The following PEX26 variants were observed in gnomAD, a reference collection of about 807,000 sequenced individuals.
PEX26 encodes the protein peroxisomal biogenesis factor 26, also known as peroxisome assembly protein 26.
PEX26 carries 18 observed loss-of-function variants against 31.4 expected under a neutral mutation model. The ratio of observed to expected loss-of-function variants is 0.57; its 90% CI spans 0.40 to 0.85. PEX26 has a LOEUF of 0.85. Ranked by LOEUF, PEX26 falls within the 40% of genes least tolerant of loss-of-function variation. PEX26 has a pLI of 0.00. For missense variants in PEX26, 377 were observed against 383.9 expected, an observed-to-expected ratio of 0.98 and a Z score of 0.15; for synonymous variants, 176 against 166.9, an observed-to-expected ratio of 1.05 and a Z score of -0.42.
Position 18,088,111 on chromosome 22 carries a change from G to A in PEX26, c.*36G>A, listed in dbSNP as rs202010734. 238 of 1,370,394 alleles carry A rather than the reference G, an allele frequency of 1.7e-4. No individual in the cohort carries two copies. The highest frequency in any genetic ancestry group is 6.8e-4 in the East Asian group (30 of 43,846). The allele number at this position is 1,370,394 out of a possible 1,614,324, so 84.9% of individuals were successfully genotyped here. Reference sequence around the variant, plus strand: ...GCACCACAGCCTCTCTGCTCCTCACGTCCGTGGCCACAGAAGCAGAGCGAC... The same window carrying A: ...GCACCACAGCCTCTCTGCTCCTCACATCCGTGGCCACAGAAGCAGAGCGAC... On this transcript the variant is annotated 3_prime_UTR_variant, in exon 5 of 5. Coordinates refer to ENST00000399744, the MANE Select transcript of PEX26 (RefSeq NM_001127649.3). The surrounding 1 kb of genome is among the most constrained non-coding windows in gnomAD (Gnocchi z 4.1).
rs772218247 is a variant in PEX26 at position 18,099,633 on chromosome 22, A to C, written c.*11558A>C. The stretch of plus-strand genomic sequence containing the variant: ...TTGTTTCCTAGGACTGCTGTTAACA[A>C]ATTGCCACAAATGTATGGCTTAAAA... On this transcript the variant is annotated 3_prime_UTR_variant, in exon 5 of 5. Coordinates refer to ENST00000399744, the MANE Select transcript of PEX26 (RefSeq NM_001127649.3). 1 of 152,192 alleles carries C rather than the reference A, an allele frequency of 6.6e-6. No individual in the cohort carries two copies. The highest frequency in any genetic ancestry group is 1.5e-5 in the Non-Finnish European group (1 of 68,032). 9.4% of individuals were successfully genotyped at this position (152,192 alleles called of 1,614,324 possible). A position where few individuals can be genotyped will look rare whatever the true frequency, so the allele number is the denominator to read the frequency against.
At position 18,104,019 on chromosome 22, in the gene PEX26, G is replaced by A. The variant is rs1386310130; in HGVS notation, c.*15944G>A. ...CCAGGACGTGGTCCAGAAAGATTGG[G>A]TACTTTGCAATACTCATAGCAATAT... On this transcript the variant is annotated 3_prime_UTR_variant, in exon 5 of 5. Transcript: ENST00000399744. 1 of 152,104 alleles carries A rather than the reference G, an allele frequency of 6.6e-6. No homozygotes were observed. Among genetic ancestry groups the A allele is most frequent in the South Asian group, 2.1e-4 (1 of 4,826 alleles). 9.4% of individuals were successfully genotyped at this position (152,104 alleles called of 1,614,324 possible). A position where few individuals can be genotyped will look rare whatever the true frequency, so the allele number is the denominator to read the frequency against.
At chr22:18,079,528 G>A (rs1926461271) in intron 1 of PEX26, among the ~76,000 whole-genome samples, 1 of 152,194 alleles carries the variant, frequency 6.6e-6, no homozygotes, top group Non-Finnish European at 1.5e-5. Context: ...TGTTCACAGA[G>A]CAAACTCTTA....
rs939846856 is a variant in PEX26 at position 18,101,609 on chromosome 22, C to G, written c.*13534C>G. On this transcript the variant is annotated 3_prime_UTR_variant, in exon 5 of 5. Transcript: ENST00000399744. ...ACCTGTATGGACCCTTCCCTAATGC[C>G]CAGGATCAAGAAAAGAATGTGGCCA... 5.2e-6 allele frequency: 1 copy of G among 191,844 alleles called. No homozygotes were observed. The highest frequency in any genetic ancestry group is 2.4e-5 in the African/African-American group (1 of 42,238). 11.9% of individuals were successfully genotyped at this position (191,844 alleles called of 1,614,324 possible).
At chr22:18,080,046 T>C (rs1926490905) in intron 2 of PEX26, 32 bp downstream of exon 2, 1 of 1,612,780 alleles carries the variant, frequency 6.2e-7, no homozygotes, top group African/African-American at 1.3e-5. Flanking sequence ...ATCAGATCGG[T>C]TCAGAAACGA....
chr22:18,081,151 T>TTATATATATATATATATATATA (rs60289884), intron 2 of PEX26, among the ~76,000 whole-genome samples: 11 of 141,374 alleles, frequency 7.8e-5, no homozygotes, highest in African/African-American at 2.8e-4. Flanking sequence ...TAGTATTCCA[T>TTATATATATATATATATATATA]TATATATATA....
Position 18,104,950 on chromosome 22 carries a change from A to T in PEX26, c.*16875A>T, listed in dbSNP as rs1026748388. 2.6e-5 allele frequency: 4 copies of T among 152,204 alleles called. No homozygotes were observed. Among genetic ancestry groups the T allele is most frequent in the African/African-American group, 9.7e-5 (4 of 41,442 alleles). 9.4% of individuals were successfully genotyped at this position (152,204 alleles called of 1,614,324 possible). On this transcript the variant is annotated 3_prime_UTR_variant, in exon 5 of 5. Coordinates refer to ENST00000399744, the MANE Select transcript of PEX26 (RefSeq NM_001127649.3). ...GCATCTGAGACACATGGGTGAATGTATGTAAGGTACTTGGGGCTAACCAAA... is the reference window on the plus strand; with the variant it reads ...GCATCTGAGACACATGGGTGAATGTTTGTAAGGTACTTGGGGCTAACCAAA...
chr22:18,080,665 C>T (rs1445814469), intron 2 of PEX26, among the ~76,000 whole-genome samples: 1 of 152,100 alleles, frequency 6.6e-6, no homozygotes, highest in Non-Finnish European at 1.5e-5. Flanking sequence ...GACACTTGTA[C>T]ATATTTATGG....
rs751509006 is a variant in PEX26 at position 18,078,332 on chromosome 22, GTCAC to G, written c.-42_-39del. On this transcript the variant is annotated 5_prime_UTR_variant, in exon 1 of 5. The change abolishes the stop of an existing upstream ORF in the 5' untranslated region. Transcript: ENST00000399744. Reference sequence around the variant, plus strand: ...ATATCCCGGAGCCTCTGGGGAGGCGGTCACTCCGACGTCTGAGGACCTGGGCCTT... The same window carrying G: ...ATATCCCGGAGCCTCTGGGGAGGCGGTCCGACGTCTGAGGACCTGGGCCTT... The G allele has an allele frequency of 3.5e-6, 5 of 1,409,782 alleles. No homozygotes were observed. Among genetic ancestry groups the G allele is most frequent in the Non-Finnish European group, 5.0e-6 (5 of 1,009,874 alleles). The allele number at this position is 1,409,782 out of a possible 1,614,324, so 87.3% of individuals were successfully genotyped here.
chr22:18,087,281 G>A (rs910640694), intron 4 of PEX26, among the ~76,000 whole-genome samples: 3 of 152,080 alleles, frequency 2.0e-5, no homozygotes, highest in African/African-American at 7.2e-5. Context: ...CGCCATGTTT[G>A]CCAGGCTGGT....
chr22:18,084,152 G>A lies in PEX26; in HGVS notation c.667+420G>A, dbSNP rs892764553. The stretch of plus-strand genomic sequence containing the variant: ...TAATTTGCAGACCCTTTCCCTGGTC[G>A]CTGAATCTTTTCCGCCCTTTTCCTT... On this transcript the variant is annotated intron_variant, in intron 3 of 4. Transcript: ENST00000399744. Among the ~76,000 whole-genome samples, 7 of 152,026 alleles carry A rather than the reference G, an allele frequency of 4.6e-5. No homozygotes were observed. The East Asian group carries it at 7.7e-4, about 17-fold the overall frequency.
Position 18,096,213 on chromosome 22 carries a change from T to C in PEX26, c.*8138T>C, listed in dbSNP as rs1308422583. 6.6e-6 allele frequency: 1 copy of C among 152,184 alleles called. No individual in the cohort carries two copies. Among genetic ancestry groups the C allele is most frequent in the Non-Finnish European group, 1.5e-5 (1 of 68,058 alleles). The allele number at this position is 152,184 out of a possible 1,614,324, so 9.4% of individuals were successfully genotyped here. A position where few individuals can be genotyped will look rare whatever the true frequency, so the allele number is the denominator to read the frequency against. ...TAGGTTTGTTGTGAGGATTAACTGG[T>C]GCTAATCCATGTAAAACACTGAAAA... On this transcript the variant is annotated 3_prime_UTR_variant, in exon 5 of 5. Coordinates refer to ENST00000399744, the MANE Select transcript of PEX26 (RefSeq NM_001127649.3).
intron 4 of PEX26, among the ~76,000 whole-genome samples, chr22:18,085,883 C>T (rs991485779): frequency 1.4e-4 from 21 of 150,788 alleles, no homozygotes; most frequent in African/African-American, 5.1e-4. Context: ...AAACAAAAAA[C>T]AAAAAACAAA....
At chr22:18,085,638 A>T (rs1384006549) in intron 4 of PEX26, among the ~76,000 whole-genome samples, 1 of 152,190 alleles carries the variant, frequency 6.6e-6, no homozygotes, top group Non-Finnish European at 1.5e-5. Context: ...TGGGAGGCCA[A>T]GGCAGGCAGA....
rs1831202617 is a variant in PEX26 at position 18,099,195 on chromosome 22, G to A, written c.*11120G>A. The stretch of plus-strand genomic sequence containing the variant: ...AATCTACTCTGAAGGACAGGCAAGA[G>A]TCCAGCCCAGGGAAAAAGGTGCAGA... On this transcript the variant is annotated 3_prime_UTR_variant, in exon 5 of 5. Coordinates refer to ENST00000399744, the MANE Select transcript of PEX26 (RefSeq NM_001127649.3). 9.9e-5 allele frequency: 15 copies of A among 152,208 alleles called. No homozygotes were observed. The allele number at this position is 152,208 out of a possible 1,614,324, so 9.4% of individuals were successfully genotyped here. A position where few individuals can be genotyped will look rare whatever the true frequency, so the allele number is the denominator to read the frequency against.
rs1352068074 is a variant in PEX26, at chr22:18,083,609, G to A, written c.544G>A (p.Val182Met). 1.9e-6 allele frequency: 3 copies of A among 1,614,122 alleles called. No homozygotes were observed. Among genetic ancestry groups the A allele is most frequent in the South Asian group, 2.2e-5 (2 of 91,074 alleles). ...GCLSEAEELVVGSAAFGEERR... is the reference protein window; with the variant it reads ...GCLSEAEELVMGSAAFGEERR... Reference sequence around the variant, plus strand: ...CTTATCGGAGGCTGAGGAGCTAGTGGTGGGCTCTGCAGCCTTTGGTGAGGA... The same window carrying A: ...CTTATCGGAGGCTGAGGAGCTAGTGATGGGCTCTGCAGCCTTTGGTGAGGA... The change falls in exon 3 of 5, where the codon GTG becomes ATG. Residue 182 changes from valine (V) to methionine (M), a missense_variant. Transcript: ENST00000399744.
chr22:18,078,579 A>G lies in PEX26; in HGVS notation c.203A>G (p.His68Arg). ...CERAWQSLAN[H>R]AVAEEPAGTS... Reference sequence around the variant, plus strand: ...CGGGCCTGGCAGAGTCTGGCCAACCACGCCGTGGCAGAGGAACCCGCGGGC... The same window carrying G: ...CGGGCCTGGCAGAGTCTGGCCAACCGCGCCGTGGCAGAGGAACCCGCGGGC... The change falls in exon 1 of 5, where the codon CAC (histidine) becomes CGC (arginine). Residue 68 changes from histidine (H) to arginine (R), a missense_variant. Physicochemically the swap from His to Arg is conservative, Grantham distance 29. Coordinates refer to ENST00000399744, the MANE Select transcript of PEX26 (RefSeq NM_001127649.3). The G allele has an allele frequency of 3.8e-6, 6 of 1,599,560 alleles. No individual in the cohort carries two copies. Among genetic ancestry groups the G allele is most frequent in the Non-Finnish European group, 5.1e-6 (6 of 1,175,566 alleles).
At chr22:18,078,820 A>G in intron 1 of PEX26, 2 of 700,732 alleles carry the variant, frequency 2.9e-6, no homozygotes, top group Non-Finnish European at 5.2e-6. Context: ...TCCCACAGCC[A>G]ATTATTTGCT....
chr22:18,083,720 C>G lies in PEX26; in HGVS notation c.655C>G (p.Pro219Ala). 1 of 1,613,940 alleles carries G rather than the reference C, an allele frequency of 6.2e-7. No homozygotes were observed. The highest frequency in any genetic ancestry group is 2.2e-5 in the East Asian group (1 of 44,878). The change falls in exon 3 of 5, where the codon CCA becomes GCA. Residue 219 changes from proline (P) to alanine (A), a missense_variant. Coordinates refer to ENST00000399744, the MANE Select transcript of PEX26 (RefSeq NM_001127649.3). ...EHSGSEEAQK[P>A]NLEGSVSHKF... ...CTCAGGCTCTGAGGAGGCCCAGAAG[C>G]CAAACCTGGAAGGTAGGACATTATC...
Sources: gnomAD v4.1 joint callset for allele counts (sites outside exome capture counted in the v4.1 genomes callset) on GRCh38, gnomAD v4.1.1 for gene constraint, Gnocchi (gnomAD v3.1) non-coding constraint, MANE v1.5 for transcripts, NCBI Gene and HGNC (gene_info 2026-07-23, HGNC 2026-07-21) for gene names.